Variants in SSBP2 observed in about 807,000 individuals in gnomAD.
SSBP2 encodes the protein single stranded DNA binding protein 2, also known as single-stranded DNA-binding protein 2.
In SSBP2, 17 loss-of-function variants were observed where a neutral mutation model predicts 61.8. The observed-to-expected ratio is 0.28, with a 90% CI of 0.19 to 0.41. The LOEUF (loss-of-function observed/expected upper bound fraction) is 0.41, where lower values mean the gene tolerates loss of function less well. Among genes scored for constraint, SSBP2 ranks in the 10% least tolerant of loss-of-function variants. The pLI is 1.00. For synonymous variants in SSBP2, 139 were observed against 141.3 expected (o/e 0.98, Z 0.12); for missense variants, 310 against 458.7 (o/e 0.68, Z 2.96).
intron 4 of SSBP2, among the ~76,000 whole-genome samples, chr5:81,594,405 A>G (rs1286597743): frequency 6.6e-6 from 1 of 152,126 alleles, no homozygotes; most frequent in Admixed American, 6.5e-5. Context: ...AGACTTTAAC[A>G]CCCCACTGTC....
At chr5:81,601,796 T>G (rs756637118) in intron 4 of SSBP2, among the ~76,000 whole-genome samples, 24 of 152,124 alleles carry the variant, frequency 1.6e-4, no homozygotes, top group Non-Finnish European at 3.2e-4. Context: ...CAGGTGAAGA[T>G]GCAAATAAAG....
intron 15 of SSBP2, among the ~76,000 whole-genome samples, chr5:81,429,886 G>C (rs1762181222): frequency 6.6e-6 from 1 of 152,124 alleles, no homozygotes; most frequent in Non-Finnish European, 1.5e-5. Context: ...GGGAGGATCT[G>C]AGAACAAGGA....
intron 4 of SSBP2, among the ~76,000 whole-genome samples, chr5:81,588,870 C>T (rs926004751): frequency 6.6e-6 from 1 of 152,114 alleles, no homozygotes; most frequent in African/African-American, 2.4e-5. Flanking sequence ...TGGAGACCAG[C>T]CTGGGTAACG....
intron 5 of SSBP2, among the ~76,000 whole-genome samples, chr5:81,500,530 G>A (rs1580847327): frequency 6.6e-6 from 1 of 152,002 alleles, no homozygotes; most frequent in Non-Finnish European, 1.5e-5. Context: ...ACACAATCTC[G>A]GCTCACTGCA....
At position 81,559,431 on chromosome 5, in the gene SSBP2, T is replaced by C. The variant is rs1445474275; in HGVS notation, c.283-45714A>G. On this transcript the variant is annotated intron_variant, in intron 4 of 16. Transcript: ENST00000320672. ...TTAGCTGGGCATGGTGGCACATGCC[T>C]GTAGTCCCAGCTATTTGGGAGGCTG... Among the ~76,000 whole-genome samples the C allele has an allele frequency of 2.7e-5, 4 of 149,982 alleles. No homozygotes were observed. The East Asian group carries it at 5.8e-4, about 22-fold the overall frequency.
chr5:81,646,688 ATTTTTTTTTT>A (rs68107334), intron 2 of SSBP2, among the ~76,000 whole-genome samples: 2 of 85,948 alleles, frequency 2.3e-5, no homozygotes, highest in African/African-American at 9.0e-5. Context: ...TGATGATGTC[ATTTTTTTTTT>A]TTTTTTTTTT....
chr5:81,429,267 G>C (rs78283950), intron 15 of SSBP2, among the ~76,000 whole-genome samples: 2,210 of 152,268 alleles, frequency 0.015, 44 homozygotes, highest in African/African-American at 0.049. Context: ...TAGAGGAAAA[G>C]GAGGCTCAAA....
intron 4 of SSBP2, among the ~76,000 whole-genome samples, chr5:81,588,579 C>T (rs1288910318): frequency 2.0e-5 from 3 of 151,246 alleles, no homozygotes; most frequent in Non-Finnish European, 4.4e-5. Context: ...AGGTTGGAAA[C>T]TTAAGGAAGG....
chr5:81,575,241 C>A (rs1774120845), intron 4 of SSBP2, among the ~76,000 whole-genome samples: 1 of 152,086 alleles, frequency 6.6e-6, no homozygotes, highest in Admixed American at 6.5e-5. Flanking sequence ...GCACTCCAGC[C>A]TGGGTGACAG....
At chr5:81,474,422 A>G (rs1218305492) in intron 7 of SSBP2, 74 bp downstream of exon 7, 2 of 1,326,604 alleles carry the variant, frequency 1.5e-6, no homozygotes, top group Non-Finnish European at 2.2e-6. Flanking sequence ...ATACAAATAC[A>G]ATTTTCCTTA....
At chr5:81,630,245 C>T (rs1747573249) in intron 3 of SSBP2, among the ~76,000 whole-genome samples, 1 of 152,126 alleles carries the variant, frequency 6.6e-6, no homozygotes. Context: ...TTATTAGAGT[C>T]CTGAATCCCT....
chr5:81,441,329 T>C (rs1009856168), intron 13 of SSBP2, among the ~76,000 whole-genome samples: 4 of 152,124 alleles, frequency 2.6e-5, no homozygotes, highest in Admixed American at 6.6e-5. Context: ...TATGATGGGG[T>C]TGGTGATAGA....
chr5:81,749,834 C>G (rs1364902258), intron 1 of SSBP2, among the ~76,000 whole-genome samples: 3 of 152,136 alleles, frequency 2.0e-5, no homozygotes, highest in African/African-American at 7.2e-5. Context: ...TCTGTTCTCG[C>G]CAGCCGCCTC....
chr5:81,644,486 C>T lies in SSBP2; in HGVS notation c.135+5781G>A, dbSNP rs534953310. 4.6e-5 allele frequency among the ~76,000 whole-genome samples: 7 copies of T among 152,246 alleles called. 1 individual carries two copies. The East Asian group carries it at 1.4e-3, about 29-fold the overall frequency. On this transcript the variant is annotated intron_variant, in intron 2 of 16. Transcript: ENST00000320672. ...AAGTCAACAAGATAGAAGGCAAAGG[C>T]ATGCTGAGGAAAACAGCTTAGTGAA...
rs984656160 is a variant in SSBP2, at chr5:81,413,780, A to C, written c.*6724T>G. 3.3e-5 allele frequency: 5 copies of C among 152,174 alleles called. No individual in the cohort carries two copies. Among genetic ancestry groups the C allele is most frequent in the African/African-American group, 7.2e-5 (3 of 41,460 alleles). 9.4% of individuals were successfully genotyped at this position (152,174 alleles called of 1,614,324 possible). On this transcript the variant is annotated 3_prime_UTR_variant, in exon 17 of 17. Coordinates refer to ENST00000320672, the MANE Select transcript of SSBP2 (RefSeq NM_012446.5). ...GATTTCTAAGATGGTGCTAAATTTAAAGTAATTTGTTGTCAAATTATGGTA... is the reference window on the plus strand; with the variant it reads ...GATTTCTAAGATGGTGCTAAATTTACAGTAATTTGTTGTCAAATTATGGTA...
At chr5:81,575,687 G>C (rs1581064836) in intron 4 of SSBP2, among the ~76,000 whole-genome samples, 1 of 152,160 alleles carries the variant, frequency 6.6e-6, no homozygotes, top group East Asian at 1.9e-4. Flanking sequence ...ATTACATTAA[G>C]TAAAAATGAA....
intron 9 of SSBP2, among the ~76,000 whole-genome samples, 159 bp downstream of exon 9, chr5:81,466,807 CATTTTTAT>C (rs1363177235): frequency 6.6e-6 from 1 of 151,908 alleles, no homozygotes; most frequent in Admixed American, 6.6e-5. Context: ...TTGTTTAGTT[CATTTTTAT>C]ACCACACAGA....
intron 1 of SSBP2, among the ~76,000 whole-genome samples, chr5:81,668,097 C>T (rs1446000448): frequency 2.6e-5 from 4 of 151,908 alleles, no homozygotes; most frequent in African/African-American, 9.7e-5. Context: ...AGCACTGCTT[C>T]GTGCTGGGAG....
intron 3 of SSBP2, 104 bp downstream of exon 3, chr5:81,636,453 G>T: frequency 2.1e-6 from 2 of 970,308 alleles, no homozygotes; most frequent in Non-Finnish European, 2.9e-6. Context: ...GAAAATTTTA[G>T]AAAATGAAAA....
Sources: gnomAD v4.1 joint callset for allele counts (sites outside exome capture counted in the v4.1 genomes callset) on GRCh38, gnomAD v4.1.1 for gene constraint, MANE v1.5 for transcripts, NCBI Gene and HGNC (gene_info 2026-07-23, HGNC 2026-07-21) for gene names.